The following ATOX1 variants were observed in gnomAD, a reference collection of about 807,000 sequenced individuals.
ATOX1 encodes antioxidant 1 copper chaperone.
A neutral mutation model predicts 7.3 loss-of-function variants in ATOX1; 4 were observed. The ratio of observed to expected loss-of-function variants is 0.55; its 90% CI spans 0.27 to 1.25. The LOEUF (loss-of-function observed/expected upper bound fraction) is 1.25. ATOX1 is among the 50% of genes most tolerant of loss of function. ATOX1 has a pLI of 0.12. For missense variants in ATOX1, 68 were observed against 81.6 expected (o/e 0.83, Z 0.64); for synonymous variants, 25 against 28.7 (o/e 0.87, Z 0.41).
At chr5:151,752,164 C>G in intron 1 of ATOX1, 1 of 678,750 alleles carries the variant, frequency 1.5e-6, no homozygotes, top group Non-Finnish European at 2.7e-6. Flanking sequence ...ATACTCTGAG[C>G]AATGCTGATC....
intron 2 of ATOX1, 101 bp downstream of exon 2, chr5:151,751,603 A>T: frequency 8.3e-7 from 1 of 1,204,406 alleles, no homozygotes. Context: ...AATATATTTT[A>T]GTTTTACTGT....
intron 1 of ATOX1, among the ~76,000 whole-genome samples, chr5:151,755,186 T>C (rs896340461): frequency 6.6e-5 from 10 of 152,104 alleles, no homozygotes; most frequent in Non-Finnish European, 1.0e-4. Flanking sequence ...AATCAATTCA[T>C]CTATGGTTTG....
chr5:151,746,977 G>C (rs561184374), intron 2 of ATOX1, among the ~76,000 whole-genome samples: 102 of 151,742 alleles, frequency 6.7e-4, no homozygotes, highest in Non-Finnish European at 1.1e-3. Context: ...CAAGTGATCT[G>C]CCCGCCTTGG....
At chr5:151,754,122 AG>A (rs1761983405) in intron 1 of ATOX1, 2 of 152,208 alleles carry the variant, frequency 1.3e-5, no homozygotes, top group Admixed American at 1.3e-4. Context: ...AAGGATTTGT[AG>A]TAAGTATTAC....
intron 1 of ATOX1, among the ~76,000 whole-genome samples, chr5:151,756,704 A>G (rs961868250): frequency 6.6e-6 from 1 of 151,776 alleles, no homozygotes; most frequent in African/African-American, 2.4e-5. Context: ...AAGCTCCTGC[A>G]TTAAAGTGAT....
At chr5:151,757,812 G>A (rs1383436498) in intron 1 of ATOX1, among the ~76,000 whole-genome samples, 1 of 152,168 alleles carries the variant, frequency 6.6e-6, no homozygotes, top group Non-Finnish European at 1.5e-5. Context: ...AAGTTACTGG[G>A]CTTTTTATAT....
At chr5:151,755,300 AAGTT>A (rs1211683032) in intron 1 of ATOX1, among the ~76,000 whole-genome samples, 1 of 152,194 alleles carries the variant, frequency 6.6e-6, no homozygotes, top group Non-Finnish European at 1.5e-5. Context: ...TACAGTATCT[AAGTT>A]AGTCCTCACT....
At chr5:151,757,602 G>C (rs966004362) in intron 1 of ATOX1, among the ~76,000 whole-genome samples, 3 of 152,224 alleles carry the variant, frequency 2.0e-5, no homozygotes, top group Non-Finnish European at 2.9e-5. Context: ...ACCTGGCCCA[G>C]AGCCATGAAT....
rs28917183 is a variant in ATOX1 at position 151,754,882 on chromosome 5, G to T, written c.7-3103C>A. Among the ~76,000 whole-genome samples the T allele has an allele frequency of 3.4e-4, 51 of 151,558 alleles. No homozygotes were observed. The East Asian group carries it at 9.3e-3, about 28-fold the overall frequency. ...GCCTGTAGTCCCAGCTACTCAAGAG[G>T]CTGAGGCAGGAGAATCGCTTGACCC... is the stretch of plus-strand genomic sequence containing the variant. On this transcript the variant is annotated intron_variant, in intron 1 of 3. Transcript: ENST00000313115.
At chr5:151,747,499 G>C (rs1761893092) in intron 2 of ATOX1, among the ~76,000 whole-genome samples, 1 of 151,974 alleles carries the variant, frequency 6.6e-6, no homozygotes, top group African/African-American at 2.4e-5. Context: ...TGCCCAGGCT[G>C]GTCTTGAACT....
chr5:151,753,421 C>T (rs756659847), intron 1 of ATOX1, among the ~76,000 whole-genome samples: 1 of 152,130 alleles, frequency 6.6e-6, no homozygotes, highest in Non-Finnish European at 1.5e-5. Flanking sequence ...TACTAGGTTC[C>T]GTTGGGTAAA....
chr5:151,754,009 C>G (rs544042471), intron 1 of ATOX1: 1 of 152,320 alleles, frequency 6.6e-6, no homozygotes, highest in Admixed American at 6.5e-5. Flanking sequence ...CAAAATCTGT[C>G]TTAAAGAAAA....
rs111667814 is a variant in ATOX1 at position 151,747,777 on chromosome 5, T to C, written c.83-1328A>G. ...CTAATTTTTGTATTTTTAGTAGAGA[T>C]GGGGTTTCGCCATGTTGGCCAGGTT... On this transcript the variant is annotated intron_variant, in intron 2 of 3. Transcript: ENST00000313115. Among the ~76,000 whole-genome samples the C allele has an allele frequency of 7.5e-3, 1,138 of 152,218 alleles. 17 individuals are homozygous for C. The highest frequency in any genetic ancestry group is 0.026 in the African/African-American group (1,088 of 41,536).
chr5:151,757,563 T>C (rs1019309965), intron 1 of ATOX1, among the ~76,000 whole-genome samples: 3 of 152,210 alleles, frequency 2.0e-5, no homozygotes, highest in Non-Finnish European at 4.4e-5. Context: ...CAAAGACACA[T>C]GGCAACTGTG....
intron 3 of ATOX1, 141 bp downstream of exon 3, chr5:151,746,138 A>G: frequency 3.0e-6 from 2 of 674,130 alleles, no homozygotes; most frequent in Non-Finnish European, 4.7e-6. Context: ...ATTTGTAACC[A>G]CTCCAAAGAA....
intron 2 of ATOX1, among the ~76,000 whole-genome samples, chr5:151,751,031 C>T (rs901970241): frequency 3.4e-4 from 51 of 151,884 alleles, no homozygotes; most frequent in African/African-American, 1.2e-3. Context: ...CCGAGGCGGG[C>T]AGATCACCTG....
Position 151,746,279 on chromosome 5 carries a change from C to T in ATOX1, c.*46G>A. ...CAGCAAGTGCTGGGGCCTTACCCAC[C>T]TGCCCCCTTTGGTCCATCCTGTGGG... On this transcript the variant is annotated splice_region_variant and 3_prime_UTR_variant, in exon 3 of 4. Transcript: ENST00000313115. The T allele has an allele frequency of 6.2e-7, 1 of 1,608,410 alleles. No individual in the cohort carries two copies. The highest frequency in any genetic ancestry group is 8.5e-7 in the Non-Finnish European group (1 of 1,177,940).
chr5:151,756,159 G>C (rs1271163910), intron 1 of ATOX1, among the ~76,000 whole-genome samples: 1 of 151,902 alleles, frequency 6.6e-6, no homozygotes, highest in Non-Finnish European at 1.5e-5. Context: ...GGCCAGGCTG[G>C]TCTCAAAGTC....
At position 151,748,529 on chromosome 5, in the gene ATOX1, C is replaced by T. The variant is rs985308173; in HGVS notation, c.83-2080G>A. On this transcript the variant is annotated intron_variant, in intron 2 of 3. Transcript: ENST00000313115. ...TAGGAAAAGATGGGCAGAAACCTGC[C>T]GAAGCTTAAAGGCAGATCTTCCAGC... 5.3e-5 allele frequency among the ~76,000 whole-genome samples: 8 copies of T among 152,134 alleles called. No individual in the cohort carries two copies. The East Asian group carries it at 9.6e-4, about 18-fold the overall frequency.
Sources: allele counts gnomAD v4.1 joint callset (sites outside exome capture counted in the v4.1 genomes callset), GRCh38; gene constraint gnomAD v4.1.1; transcripts MANE v1.5; gene names NCBI Gene and HGNC (gene_info 2026-07-23, HGNC 2026-07-21).